The following ETS1 variants were observed in gnomAD, a reference collection of about 807,000 sequenced individuals.
ETS1 encodes protein C-ets-1.
Under a neutral mutation model 58.6 loss-of-function variants are expected in ETS1, and 15 were observed. The observed-to-expected ratio is 0.26, with a 90% CI of 0.17 to 0.39. The LOEUF (loss-of-function observed/expected upper bound fraction) is 0.39. Among genes scored for constraint, ETS1 ranks in the 10% least tolerant of loss-of-function variants. The probability of loss-of-function intolerance (pLI) is 1.00; values close to 1 mark genes in which losing one functional copy is unlikely to be tolerated. For synonymous variants in ETS1, 214 were observed against 218.2 expected, an observed-to-expected ratio of 0.98 and a Z score of 0.17; for missense variants, 417 against 610.5, an observed-to-expected ratio of 0.68 and a Z score of 3.34.
chr11:128,523,288 T>C (rs1440090282), intron 3 of ETS1, among the ~76,000 whole-genome samples: 1 of 152,200 alleles, frequency 6.6e-6, no homozygotes, highest in Non-Finnish European at 1.5e-5. Context: ...CCCCCAACAC[T>C]AGAGATAAAA....
At chr11:128,566,662 A>T (rs1159002274) in intron 2 of ETS1, among the ~76,000 whole-genome samples, 1 of 152,012 alleles carries the variant, frequency 6.6e-6, no homozygotes, top group East Asian at 1.9e-4. Flanking sequence ...GGGCGCCTGT[A>T]GTCCCAGCTA....
chr11:128,543,602 C>T (rs1864087885), intron 3 of ETS1, among the ~76,000 whole-genome samples: 1 of 152,204 alleles, frequency 6.6e-6, no homozygotes, highest in African/African-American at 2.4e-5. Context: ...CTCACTGCAG[C>T]AGAATTAAAA....
At chr11:128,462,733 C>T (rs924881564) in intron 9 of ETS1, among the ~76,000 whole-genome samples, 157 bp from the exon 10 acceptor site, 9 of 152,100 alleles carry the variant, frequency 5.9e-5, no homozygotes, top group Non-Finnish European at 1.0e-4. Flanking sequence ...AAATATTTTT[C>T]GGGCCTATCT....
At chr11:128,531,941 A>G (rs2135532374) in intron 3 of ETS1, among the ~76,000 whole-genome samples, 1 of 152,272 alleles carries the variant, frequency 6.6e-6, no homozygotes, top group Non-Finnish European at 1.5e-5. Context: ...ACTTCACAGA[A>G]GTCTTTTTCT....
intron 3 of ETS1, among the ~76,000 whole-genome samples, chr11:128,516,871 T>C (rs565453587): frequency 6.6e-6 from 1 of 152,204 alleles, no homozygotes; most frequent in Admixed American, 6.5e-5. Flanking sequence ...TGTCTCATCA[T>C]CCTGATTATG....
chr11:128,462,617 A>G, intron 9 of ETS1, 41 bp from the exon 10 acceptor site: 1 of 1,535,570 alleles, frequency 6.5e-7, no homozygotes, highest in Admixed American at 1.7e-5. Flanking sequence ...GTAGGCAAAA[A>G]TCTACAAGAC....
rs369601685 is a variant in ETS1, at chr11:128,521,873, G to A, written c.215-31297C>T. 4 of 1,558,814 alleles carry A rather than the reference G, an allele frequency of 2.6e-6. No homozygotes were observed. In the African/African-American group the frequency reaches 5.6e-5, roughly 22 times the overall value. Reference sequence around the variant, plus strand: ...AAGTCCAGGGGACCCCCGGCCTCTGGCCGAGAGCTTGGGTGGGGGCCTCGG... The same window carrying A: ...AAGTCCAGGGGACCCCCGGCCTCTGACCGAGAGCTTGGGTGGGGGCCTCGG... On this transcript the variant is annotated intron_variant, in intron 3 of 9. Coordinates refer to ENST00000392668, the MANE Select transcript of ETS1 (RefSeq NM_001143820.2).
At chr11:128,552,138 A>T (rs563286239) in intron 3 of ETS1, among the ~76,000 whole-genome samples, 1 of 152,250 alleles carries the variant, frequency 6.6e-6, no homozygotes, top group Admixed American at 6.5e-5. Context: ...TTGGAGAATC[A>T]TTGGTATAGA....
At chr11:128,543,016 A>C (rs770528441) in intron 3 of ETS1, among the ~76,000 whole-genome samples, 19 of 152,140 alleles carry the variant, frequency 1.2e-4, no homozygotes, top group Non-Finnish European at 1.8e-4. Flanking sequence ...CTACTAAAAA[A>C]ATACAAAAAT....
At chr11:128,496,706 A>G (rs953278596) in intron 3 of ETS1, among the ~76,000 whole-genome samples, 1 of 152,192 alleles carries the variant, frequency 6.6e-6, no homozygotes, top group Non-Finnish European at 1.5e-5. Context: ...GCCCTCTCTC[A>G]TTCATATAAA....
At chr11:128,521,771 T>C (rs924279086) in intron 3 of ETS1, 28 of 608,596 alleles carry the variant, frequency 4.6e-5, no homozygotes, top group Non-Finnish European at 6.4e-5. Context: ...CTCCTCGTCC[T>C]CCAGATCCAG....
intron 3 of ETS1, among the ~76,000 whole-genome samples, chr11:128,517,823 G>C (rs1863565943): frequency 6.6e-6 from 1 of 152,162 alleles, no homozygotes; most frequent in South Asian, 2.1e-4. Context: ...CCTGGAGGGA[G>C]GCGATGCTCC....
intron 1 of ETS1, among the ~76,000 whole-genome samples, chr11:128,576,297 G>C (rs184927720): frequency 2.1e-3 from 319 of 152,302 alleles, no homozygotes; most frequent in Non-Finnish European, 3.1e-3. Context: ...TGCTAGAGAC[G>C]TAAACCTTCT....
At chr11:128,492,368 C>T (rs1007614684) in intron 3 of ETS1, among the ~76,000 whole-genome samples, 11 of 152,178 alleles carry the variant, frequency 7.2e-5, no homozygotes, top group Non-Finnish European at 1.2e-4. Flanking sequence ...GGACAGGTGG[C>T]ACTTTCTCTC....
chr11:128,514,067 C>A (rs1863459233), intron 3 of ETS1, among the ~76,000 whole-genome samples: 1 of 152,138 alleles, frequency 6.6e-6, no homozygotes, highest in African/African-American at 2.4e-5. Flanking sequence ...CTTCAAAAAA[C>A]CCGTATCTAC....
intron 1 of ETS1, among the ~76,000 whole-genome samples, chr11:128,584,583 T>C (rs1381407389): frequency 6.6e-6 from 1 of 152,172 alleles, no homozygotes; most frequent in Non-Finnish European, 1.5e-5. Context: ...GGGCTGAGTA[T>C]TCCTCCTTAG....
chr11:128,573,053 AC>A lies in ETS1; in HGVS notation c.69+8del, dbSNP rs771624594. ...TGGGCAAAGGGGCAGGGAAGGGGCCACCACTCACCACCACTGCAGGACGAGG... is the reference window on the plus strand; with the variant it reads ...TGGGCAAAGGGGCAGGGAAGGGGCCACACTCACCACCACTGCAGGACGAGG... On this transcript the variant is annotated splice_region_variant and intron_variant, in intron 2 of 9. Transcript: ENST00000392668. 109 of 1,599,822 alleles carry A rather than the reference AC, an allele frequency of 6.8e-5. No individual in the cohort carries two copies. The African/African-American group carries it at 7.9e-4, about 12-fold the overall frequency.
intron 3 of ETS1, among the ~76,000 whole-genome samples, chr11:128,491,351 T>C (rs1862794120): frequency 6.6e-6 from 1 of 152,206 alleles, no homozygotes; most frequent in African/African-American, 2.4e-5. Context: ...TAAAAATCTA[T>C]CTACACAGTT....
chr11:128,523,961 T>C (rs1218710583), intron 3 of ETS1, among the ~76,000 whole-genome samples: 1 of 152,186 alleles, frequency 6.6e-6, no homozygotes, highest in Non-Finnish European at 1.5e-5. Context: ...TTACTCACTA[T>C]GAATTCATCA....
Sources: gnomAD v4.1 joint callset for allele counts (sites outside exome capture counted in the v4.1 genomes callset) on GRCh38, gnomAD v4.1.1 for gene constraint, MANE v1.5 for transcripts, NCBI Gene and HGNC (gene_info 2026-07-23, HGNC 2026-07-21) for gene names.